The following LINC00305 variants were observed in gnomAD, a reference collection of about 807,000 sequenced individuals.
LINC00305 encodes long intergenic non-protein coding RNA 305.
At chr18:64,096,558 T>G (rs986537587) in intron 3 of LINC00305, among the ~76,000 whole-genome samples, 1 of 151,862 alleles carries the variant, frequency 6.6e-6, no homozygotes, top group African/African-American at 2.4e-5. Flanking sequence ...ATATGAATTA[T>G]TTATTAAATG....
rs962889167 is a variant in LINC00305, at chr18:64,133,828, A to G, written n.314+14947T>C. 3.3e-5 allele frequency among the ~76,000 whole-genome samples: 5 copies of G among 152,212 alleles called. No homozygotes were observed. In the East Asian group the frequency reaches 9.6e-4, roughly 29 times the overall value. ...ATGTCATTTTCATGGTTTATAACTTAATCTTTCAAAATCCAAATCTATTAT... is the reference window on the plus strand; with the variant it reads ...ATGTCATTTTCATGGTTTATAACTTGATCTTTCAAAATCCAAATCTATTAT... On this transcript the variant is annotated intron_variant and non_coding_transcript_variant, in intron 1 of 3. Coordinates refer to ENST00000666468, the Ensembl canonical transcript of LINC00305.
chr18:64,121,119 A>G (rs1216942000), intron 1 of LINC00305, among the ~76,000 whole-genome samples: 3 of 152,130 alleles, frequency 2.0e-5, no homozygotes, highest in African/African-American at 7.2e-5. Context: ...CACAAAAATT[A>G]CTTTGAATAG....
chr18:64,146,604 G>A (rs2051499446), intron 1 of LINC00305, among the ~76,000 whole-genome samples: 1 of 152,186 alleles, frequency 6.6e-6, no homozygotes, highest in Non-Finnish European at 1.5e-5. Flanking sequence ...GCTCCCACCA[G>A]CGGGGCTTCT....
At chr18:64,119,060 G>A (rs1464788903) in intron 1 of LINC00305, among the ~76,000 whole-genome samples, 2 of 151,746 alleles carry the variant, frequency 1.3e-5, no homozygotes, top group African/African-American at 4.8e-5. Flanking sequence ...CAAAAAAAAA[G>A]AATCATATAT....
chr18:64,114,952 C>T (rs2051331340), intron 1 of LINC00305, among the ~76,000 whole-genome samples: 1 of 152,200 alleles, frequency 6.6e-6, no homozygotes, highest in Non-Finnish European at 1.5e-5. Context: ...TGAAAACTTT[C>T]TGAGAGCTTC....
intron 1 of LINC00305, among the ~76,000 whole-genome samples, chr18:64,111,710 C>A (rs2144250196): frequency 6.6e-6 from 1 of 152,262 alleles, no homozygotes; most frequent in South Asian, 2.1e-4. Context: ...GGTCCCTGCT[C>A]TCTCTGGATG....
At chr18:64,107,293 C>T (rs867396703) in intron 1 of LINC00305, among the ~76,000 whole-genome samples, 1 of 152,138 alleles carries the variant, frequency 6.6e-6, no homozygotes, top group Non-Finnish European at 1.5e-5. Flanking sequence ...TTGGTAGAGG[C>T]CATGTGCTAC....
intron 3 of LINC00305, among the ~76,000 whole-genome samples, chr18:64,096,471 A>T (rs1438645343): frequency 6.6e-6 from 1 of 151,898 alleles, no homozygotes; most frequent in Non-Finnish European, 1.5e-5. Flanking sequence ...ATAAATGAAA[A>T]TAGTAAAACC....
intron 1 of LINC00305, among the ~76,000 whole-genome samples, chr18:64,141,014 G>A (rs897673667): frequency 8.2e-5 from 11 of 134,264 alleles, no homozygotes; most frequent in Admixed American, 2.6e-4. Context: ...ACCTAGCGCC[G>A]CAAGGAACCA....
intron 1 of LINC00305, among the ~76,000 whole-genome samples, chr18:64,118,306 T>C (rs185914295): frequency 6.6e-6 from 1 of 152,334 alleles, no homozygotes; most frequent in Non-Finnish European, 1.5e-5. Context: ...TGTTCTGTAA[T>C]GTAGATATAC....
chr18:64,114,403 A>T (rs117380421), intron 1 of LINC00305, among the ~76,000 whole-genome samples: 192 of 152,330 alleles, frequency 1.3e-3, no homozygotes, highest in Non-Finnish European at 2.1e-3. Context: ...GGATTGCTGA[A>T]TGGGACTAAA....
At chr18:64,117,025 T>G (rs2051340814) in intron 1 of LINC00305, among the ~76,000 whole-genome samples, 1 of 152,244 alleles carries the variant, frequency 6.6e-6, no homozygotes, top group Non-Finnish European at 1.5e-5. Flanking sequence ...TCACTCTGCC[T>G]AATTTATTCC....
At chr18:64,099,086 CCTT>C (rs2051258262) in intron 1 of LINC00305, among the ~76,000 whole-genome samples, 1 of 152,102 alleles carries the variant, frequency 6.6e-6, no homozygotes, top group Admixed American at 6.6e-5. Flanking sequence ...TTGACCTTCT[CCTT>C]CTTATCACCA....
chr18:64,138,572 C>A (rs2051445989), intron 1 of LINC00305, among the ~76,000 whole-genome samples: 1 of 152,114 alleles, frequency 6.6e-6, no homozygotes, highest in African/African-American at 2.4e-5. Context: ...TGTTGGTTTG[C>A]AATTTCTTTT....
intron 1 of LINC00305, among the ~76,000 whole-genome samples, chr18:64,130,531 AT>A (rs1368755708): frequency 3.3e-5 from 5 of 152,086 alleles, no homozygotes; most frequent in Admixed American, 6.6e-5. Context: ...AAAAGAAAAC[AT>A]TTTTTTCCCA....
intron 1 of LINC00305, among the ~76,000 whole-genome samples, chr18:64,100,440 C>T (rs536151936): frequency 1.4e-4 from 21 of 152,254 alleles, no homozygotes; most frequent in African/African-American, 5.1e-4. Context: ...CTTTCTTTTC[C>T]TCAAGGGGCT....
chr18:64,142,290 G>A (rs780439341), intron 1 of LINC00305, among the ~76,000 whole-genome samples: 3 of 152,192 alleles, frequency 2.0e-5, no homozygotes. Flanking sequence ...TGTTGAAAAA[G>A]AATGTAGATT....
intron 1 of LINC00305, among the ~76,000 whole-genome samples, chr18:64,124,501 A>C (rs1025269854): frequency 6.6e-6 from 1 of 152,070 alleles, no homozygotes; most frequent in Non-Finnish European, 1.5e-5. Flanking sequence ...CACTCAGTAA[A>C]AGCTTGTTGC....
intron 1 of LINC00305, among the ~76,000 whole-genome samples, chr18:64,146,181 G>T (rs1194822776): frequency 6.6e-6 from 1 of 152,042 alleles, no homozygotes; most frequent in East Asian, 1.9e-4. Context: ...AGTTATGGTT[G>T]GTGCCTGGAT....
Sources: allele counts gnomAD v4.1 joint callset (sites outside exome capture counted in the v4.1 genomes callset), GRCh38; gene constraint gnomAD v4.1.1; transcripts MANE v1.5; gene names NCBI Gene and HGNC (gene_info 2026-07-23, HGNC 2026-07-21).